NKIRAS1: variants seen among roughly 807,000 people sequenced by gnomAD.
NKIRAS1 encodes NFKB inhibitor interacting Ras like 1.
In NKIRAS1, 16 loss-of-function variants were observed where a neutral mutation model predicts 19.8. The observed-to-expected ratio is 0.81, with a 90% CI of 0.55 to 1.23. The LOEUF (loss-of-function observed/expected upper bound fraction) is 1.23. Among genes scored for constraint, NKIRAS1 ranks in the 50% most tolerant of loss-of-function variants. The pLI, the probability that NKIRAS1 is intolerant of heterozygous loss-of-function variation, is 0.00. For missense variants in NKIRAS1, 184 were observed against 220.0 expected (o/e 0.84, Z 1.04); for synonymous variants, 88 against 79.0 (o/e 1.11, Z -0.61).
At chr3:23,915,746 G>C (rs1487747334) in intron 1 of NKIRAS1, among the ~76,000 whole-genome samples, 1 of 151,994 alleles carries the variant, frequency 6.6e-6, no homozygotes, top group Non-Finnish European at 1.5e-5. Context: ...TCCAGTCATG[G>C]CTCTTCTCCC....
Position 23,891,527 on chromosome 3 carries a change from A to T in NKIRAS1, c.*1568T>A, listed in dbSNP as rs1701467192. The T allele has an allele frequency of 6.6e-6, 1 of 152,210 alleles. No homozygotes were observed. 9.4% of individuals were successfully genotyped at this position (152,210 alleles called of 1,614,324 possible). A position where few individuals can be genotyped will look rare whatever the true frequency, so the allele number is the denominator to read the frequency against. On this transcript the variant is annotated 3_prime_UTR_variant, in exon 5 of 5. Transcript: ENST00000425478. ...AATCTACCCCATTTAGGCTTCAAAG[A>T]CGAACCCTACTGCATCTTTTTAAAA...
chr3:23,893,355 G>A lies in NKIRAS1; in HGVS notation c.337-18C>T. On this transcript the variant is annotated intron_variant, in intron 4 of 4. Transcript: ENST00000425478. ...ATTGCTACCTGAAAGAAAACGGATT[G>A]AAAAGATCATACTAGTACTTTGCCA... is the stretch of plus-strand genomic sequence containing the variant. 1 of 1,610,064 alleles carries A rather than the reference G, an allele frequency of 6.2e-7. No individual in the cohort carries two copies. The highest frequency in any genetic ancestry group is 8.5e-7 in the Non-Finnish European group (1 of 1,178,064).
chr3:23,896,447 G>A (rs9876865), intron 4 of NKIRAS1, among the ~76,000 whole-genome samples: 3 of 151,320 alleles, frequency 2.0e-5, no homozygotes, highest in East Asian at 2.0e-4. Flanking sequence ...AAACCCTGTC[G>A]TCTAAAAATA....
chr3:23,910,005 T>G (rs568790490), intron 3 of NKIRAS1, among the ~76,000 whole-genome samples: 2 of 151,878 alleles, frequency 1.3e-5, no homozygotes, highest in Non-Finnish European at 2.9e-5. Context: ...ACTACAGGCG[T>G]GCACCGCCAC....
At position 23,893,034 on chromosome 3, in the gene NKIRAS1, A is replaced by G. The variant is rs760235883; in HGVS notation, c.*61T>C. ...CTATTTTAAATAGTAATATTACTCCATGTTCACAGACACTTAAAGGCAATC... is the reference window on the plus strand; with the variant it reads ...CTATTTTAAATAGTAATATTACTCCGTGTTCACAGACACTTAAAGGCAATC... On this transcript the variant is annotated 3_prime_UTR_variant, in exon 5 of 5. Transcript: ENST00000425478. 2.7e-6 allele frequency: 4 copies of G among 1,473,990 alleles called. No homozygotes were observed. The highest frequency in any genetic ancestry group is 3.6e-6 in the Non-Finnish European group (4 of 1,108,736). 91.3% of individuals were successfully genotyped at this position (1,473,990 alleles called of 1,614,324 possible). A position where few individuals can be genotyped will look rare whatever the true frequency, so the allele number is the denominator to read the frequency against.
At chr3:23,917,651 G>A, upstream of NKIRAS1, 2 of 572,312 alleles carry the variant, frequency 3.5e-6, no homozygotes, top group East Asian at 3.1e-5. Context: ...ACCGCTCTGT[G>A]CTGGGGTTGC....
At chr3:23,945,380 G>GGCC in intron 1 of NKIRAS1, 1 of 172,348 alleles carries the variant, frequency 5.8e-6, no homozygotes, top group Non-Finnish European at 1.2e-5. Context: ...GCCGCTCGCC[G>GGCC]GCCGCCGCCA....
At chr3:23,945,511 A>AGGCGGCGGCGGC (rs369955272) in intron 1 of NKIRAS1, 1 of 931,888 alleles carries the variant, frequency 1.1e-6, no homozygotes, top group Non-Finnish European at 1.3e-6. Context: ...CGCGGCGCTG[A>AGGCGGCGGCGGC]GGCGGCGGCG....
At chr3:23,946,167 C>G (rs914099972) in intron 1 of NKIRAS1, 61 of 985,072 alleles carry the variant, frequency 6.2e-5, no homozygotes, top group Middle Eastern at 5.2e-4. Context: ...GCCGCGCGTG[C>G]GCGCCCGCTG....
Position 23,906,158 on chromosome 3 carries a change from CA to C in NKIRAS1, c.94+4652del, listed in dbSNP as rs377092022. ...TGGGTGACAGAGCGAGACTCCGTCTCAAAAAAAAAAAAAAAAAAAACCAAAG... is the reference window on the plus strand; with the variant it reads ...TGGGTGACAGAGCGAGACTCCGTCTCAAAAAAAAAAAAAAAAAAACCAAAG... On this transcript the variant is annotated intron_variant, in intron 3 of 4. Coordinates refer to ENST00000425478, the MANE Select transcript of NKIRAS1 (RefSeq NM_020345.4). 3.1e-3 allele frequency among the ~76,000 whole-genome samples: 302 copies of C among 98,826 alleles called. 2 individuals carry two copies. Among genetic ancestry groups the C allele is most frequent in the African/African-American group, 0.01 (259 of 24,950 alleles). 64.8% of individuals were successfully genotyped at this position (98,826 alleles called of 152,430 possible). A position where few individuals can be genotyped will look rare whatever the true frequency, so the allele number is the denominator to read the frequency against.
At position 23,922,028 on chromosome 3, in the gene NKIRAS1, A is replaced by C; in HGVS notation, c.-139-10578T>G. 6.2e-6 allele frequency: 1 copy of C among 161,968 alleles called. No individual in the cohort carries two copies. Among genetic ancestry groups the C allele is most frequent in the Non-Finnish European group, 1.3e-5 (1 of 74,540 alleles). 10.0% of individuals were successfully genotyped at this position (161,968 alleles called of 1,614,324 possible). A position where few individuals can be genotyped will look rare whatever the true frequency, so the allele number is the denominator to read the frequency against. On this transcript the variant is annotated intron_variant, in intron 1 of 4. Coordinates refer to the NKIRAS1 transcript ENST00000421515. The surrounding 1 kb of genome is among the most constrained non-coding windows in gnomAD (Gnocchi z 4.2). ...GCCCAAATTTACTTTAGTAATAACA[A>C]CAATTGGCTGGGTGCGGTGGCTCAC...
intron 3 of NKIRAS1, among the ~76,000 whole-genome samples, chr3:23,907,022 T>G (rs755815873): frequency 1.3e-5 from 2 of 152,104 alleles, no homozygotes; most frequent in East Asian, 1.9e-4. Flanking sequence ...GCCTCCTAGA[T>G]AGCTGAGATT....
At position 23,890,731 on chromosome 3, in the gene NKIRAS1, G is replaced by T; in HGVS notation, c.*2364C>A. ...GTATTTCTATAACAGATATTATTCA[G>T]TCTTATTTCCTAAGATTTTGTTGTA... On this transcript the variant is annotated 3_prime_UTR_variant, in exon 5 of 5. Transcript: ENST00000425478. 1 of 794,164 alleles carries T rather than the reference G, an allele frequency of 1.3e-6. No homozygotes were observed. The highest frequency in any genetic ancestry group is 1.8e-6 in the Non-Finnish European group (1 of 547,176). The allele number at this position is 794,164 out of a possible 1,614,324, so 49.2% of individuals were successfully genotyped here. A position where few individuals can be genotyped will look rare whatever the true frequency, so the allele number is the denominator to read the frequency against.
At chr3:23,925,381 C>T (rs973304491) in intron 1 of NKIRAS1, among the ~76,000 whole-genome samples, 4 of 152,108 alleles carry the variant, frequency 2.6e-5, no homozygotes, top group African/African-American at 9.7e-5. Flanking sequence ...CACCTGTAAT[C>T]CTAGCACATT....
chr3:23,918,713 G>T, upstream of NKIRAS1: 1 of 1,039,910 alleles, frequency 9.6e-7, no homozygotes, highest in Non-Finnish European at 1.4e-6. Context: ...ACTAATCTTG[G>T]TGAAGAGTAA....
chr3:23,920,717 T>G (rs1027881628), upstream of NKIRAS1: 1 of 983,910 alleles, frequency 1.0e-6, no homozygotes, highest in Non-Finnish European at 1.2e-6. Flanking sequence ...CAGGAAGTAC[T>G]CATAGCAAGT....
At chr3:23,932,644 C>T (rs938374145) in intron 1 of NKIRAS1, among the ~76,000 whole-genome samples, 15 of 148,028 alleles carry the variant, frequency 1.0e-4, no homozygotes, top group African/African-American at 3.5e-4. Flanking sequence ...GCCGAGATGG[C>T]GCCATTGCAC....
chr3:23,918,120 G>C, upstream of NKIRAS1: 1 of 1,473,720 alleles, frequency 6.8e-7, no homozygotes. Context: ...CTGCCTCAGT[G>C]TCTTTCTTCG....
chr3:23,934,735 G>A (rs965267460), intron 1 of NKIRAS1, among the ~76,000 whole-genome samples: 1 of 151,958 alleles, frequency 6.6e-6, no homozygotes, highest in Non-Finnish European at 1.5e-5. Flanking sequence ...TAACCACAAT[G>A]GTGATTATTC....
Sources: allele counts gnomAD v4.1 joint callset (sites outside exome capture counted in the v4.1 genomes callset), GRCh38; gene constraint gnomAD v4.1.1; non-coding constraint Gnocchi (gnomAD v3.1); transcripts MANE v1.5; gene names NCBI Gene and HGNC (gene_info 2026-07-23, HGNC 2026-07-21).